MARK1: variants seen among roughly 807,000 people sequenced by gnomAD.
MARK1 encodes the protein microtubule affinity regulating kinase 1, also known as serine/threonine-protein kinase MARK1.
In MARK1, 40 loss-of-function variants were observed where a neutral mutation model predicts 96.3. That is an observed-to-expected ratio of 0.42 (90% CI 0.32 to 0.54). The LOEUF (loss-of-function observed/expected upper bound fraction) is 0.54, where lower values mean the gene tolerates loss of function less well. MARK1 is among the 20% of genes least tolerant of loss of function. The pLI is 0.16. For synonymous variants in MARK1, 317 were observed against 341.2 expected (o/e 0.93, Z 0.78); for missense variants, 719 against 984.6 (o/e 0.73, Z 3.61).
intron 1 of MARK1, among the ~76,000 whole-genome samples, chr1:220,539,107 T>C (rs1660941380): frequency 6.6e-6 from 1 of 151,900 alleles, no homozygotes; most frequent in Non-Finnish European, 1.5e-5. Flanking sequence ...AACACTATGT[T>C]GAATAGGAGT....
intron 1 of MARK1, among the ~76,000 whole-genome samples, chr1:220,564,159 G>A (rs189973282): frequency 1.3e-5 from 2 of 152,258 alleles, no homozygotes; most frequent in East Asian, 3.9e-4. Flanking sequence ...AGTTCTCTGT[G>A]ATCTTAATTT....
At position 220,528,166 on chromosome 1, in the gene MARK1, C is replaced by A. The variant is rs1434836451; in HGVS notation, c.-657C>A. 1.3e-5 allele frequency: 2 copies of A among 150,544 alleles called. No homozygotes were observed. The highest frequency in any genetic ancestry group is 2.4e-5 in the African/African-American group (1 of 41,244). 9.3% of individuals were successfully genotyped at this position (150,544 alleles called of 1,614,324 possible). Reference sequence around the variant, plus strand: ...GCGGCGGCCGCCAAGTGCCTCTGGGCGCTGCGTGCCGCGCCCGCTGCTCCG... The same window carrying A: ...GCGGCGGCCGCCAAGTGCCTCTGGGAGCTGCGTGCCGCGCCCGCTGCTCCG... On this transcript the variant is annotated 5_prime_UTR_variant, in exon 1 of 18. Coordinates refer to ENST00000366917, the MANE Select transcript of MARK1 (RefSeq NM_018650.5).
intron 1 of MARK1, among the ~76,000 whole-genome samples, chr1:220,536,953 T>C (rs1379680117): frequency 1.3e-5 from 2 of 152,098 alleles, no homozygotes; most frequent in African/African-American, 4.8e-5. Flanking sequence ...AGTATCTCCA[T>C]AGATAAGTCT....
Position 220,618,694 on chromosome 1 carries a change from A to T in MARK1, c.848A>T (p.Asp283Val). 2 of 1,612,788 alleles carry T rather than the reference A, an allele frequency of 1.2e-6. No individual in the cohort carries two copies. The highest frequency in any genetic ancestry group is 1.7e-5 in the Admixed American group (1 of 59,882). ...CGTATTCCCTTCTATATGTCCACAGACTGTGAAAATCTTCTGAAGAAATTA... is the reference window on the plus strand; with the variant it reads ...CGTATTCCCTTCTATATGTCCACAGTCTGTGAAAATCTTCTGAAGAAATTA... The part of the protein sequence containing the change: ...KYRIPFYMST[D>V]CENLLKKLLV... Residue 283 changes from aspartate to valine, a missense_variant, in exon 9 of 18, where the codon GAC (aspartate) becomes GTC (valine). Physicochemically the swap from Asp to Val is radical, Grantham distance 152. Transcript: ENST00000366917. The surrounding 1 kb of genome is among the most constrained non-coding windows in gnomAD (Gnocchi z 4.6).
chr1:220,560,515 G>A (rs1365816113), intron 1 of MARK1, among the ~76,000 whole-genome samples: 1 of 152,150 alleles, frequency 6.6e-6, no homozygotes, highest in African/African-American at 2.4e-5. Flanking sequence ...CACTGCCCTT[G>A]CACTTGGACC....
At chr1:220,634,442 A>AT (rs1393709914) in intron 11 of MARK1, among the ~76,000 whole-genome samples, 1 of 152,126 alleles carries the variant, frequency 6.6e-6, no homozygotes, top group African/African-American at 2.4e-5. Context: ...AAGGCAATTA[A>AT]TTTTCTGTGC....
intron 3 of MARK1, among the ~76,000 whole-genome samples, chr1:220,582,777 TTC>T (rs1425182190): frequency 2.6e-5 from 4 of 152,366 alleles, no homozygotes; most frequent in African/African-American, 9.6e-5. Flanking sequence ...GATAAGTAAT[TTC>T]TGTCATAAAA....
chr1:220,528,282 G>A lies in MARK1; in HGVS notation c.-541G>A, dbSNP rs1036046735. ...GGACCGAGCCGAGACATTCGCGCCGGGGGATCGGGCGCCGCCGCCGCTGGG... is the reference window on the plus strand; with the variant it reads ...GGACCGAGCCGAGACATTCGCGCCGAGGGATCGGGCGCCGCCGCCGCTGGG... On this transcript the variant is annotated 5_prime_UTR_variant, in exon 1 of 18. Coordinates refer to ENST00000366917, the MANE Select transcript of MARK1 (RefSeq NM_018650.5). 6.6e-6 allele frequency: 1 copy of A among 151,288 alleles called. No individual in the cohort carries two copies. The highest frequency in any genetic ancestry group is 2.4e-5 in the African/African-American group (1 of 41,346). The allele number at this position is 151,288 out of a possible 1,614,324, so 9.4% of individuals were successfully genotyped here. A position where few individuals can be genotyped will look rare whatever the true frequency, so the allele number is the denominator to read the frequency against.
chr1:220,594,146 G>A (rs1665170906), intron 3 of MARK1, among the ~76,000 whole-genome samples: 1 of 152,186 alleles, frequency 6.6e-6, no homozygotes, highest in African/African-American at 2.4e-5. Flanking sequence ...TTGAGGATTG[G>A]AGCAGGCTTC....
chr1:220,653,475 C>T lies in MARK1; in HGVS notation c.1988+123C>T, dbSNP rs1669000988. 7.7e-6 allele frequency: 8 copies of T among 1,041,610 alleles called. No homozygotes were observed. In the South Asian group the frequency reaches 1.7e-4, roughly 22 times the overall value. The allele number at this position is 1,041,610 out of a possible 1,614,324, so 64.5% of individuals were successfully genotyped here. On this transcript the variant is annotated intron_variant, in intron 16 of 17. Coordinates refer to ENST00000366917, the MANE Select transcript of MARK1 (RefSeq NM_018650.5). ...TTCATAACATTTCATTAGAGCTGCTCTTTTACAGAGTTGGAAGAAAAAAAT... is the reference window on the plus strand; with the variant it reads ...TTCATAACATTTCATTAGAGCTGCTTTTTTACAGAGTTGGAAGAAAAAAAT...
intron 3 of MARK1, among the ~76,000 whole-genome samples, chr1:220,585,487 C>A (rs1192685246): frequency 2.0e-5 from 3 of 152,160 alleles, no homozygotes; most frequent in Admixed American, 6.5e-5. Flanking sequence ...GACCAAAAAT[C>A]TGACTTTTCT....
At chr1:220,545,439 GTT>G (rs35422682) in intron 1 of MARK1, among the ~76,000 whole-genome samples, 1 of 87,258 alleles carries the variant, frequency 1.1e-5, no homozygotes, top group African/African-American at 4.5e-5. Context: ...CTTTCTCATG[GTT>G]TTTTTTTTTT....
At chr1:220,530,198 A>AAT (rs1419135476) in intron 1 of MARK1, among the ~76,000 whole-genome samples, 1 of 137,050 alleles carries the variant, frequency 7.3e-6, no homozygotes, top group Non-Finnish European at 1.6e-5. Flanking sequence ...GTTTCAGAGT[A>AAT]TGCTTTTGTC....
At chr1:220,532,813 A>T (rs892772127) in intron 1 of MARK1, among the ~76,000 whole-genome samples, 2 of 151,986 alleles carry the variant, frequency 1.3e-5, no homozygotes, top group African/African-American at 2.4e-5. Flanking sequence ...CGAGACCAGC[A>T]TGGGCAACAT....
intron 1 of MARK1, among the ~76,000 whole-genome samples, chr1:220,577,812 T>C (rs1663974390): frequency 1.3e-5 from 2 of 152,206 alleles, no homozygotes; most frequent in African/African-American, 4.8e-5. Flanking sequence ...TGTATAATGA[T>C]AGCACAATGG....
At chr1:220,581,843 G>A (rs1471414735) in intron 3 of MARK1, among the ~76,000 whole-genome samples, 1 of 152,104 alleles carries the variant, frequency 6.6e-6, no homozygotes, top group South Asian at 2.1e-4. Context: ...ACTTAAATGG[G>A]AAAATTTTCT....
intron 13 of MARK1, among the ~76,000 whole-genome samples, chr1:220,636,445 T>C (rs1667970381): frequency 2.0e-5 from 3 of 151,784 alleles, no homozygotes; most frequent in Non-Finnish European, 1.5e-5. Context: ...AAGAAGATGC[T>C]CTCCCATAAG....
At position 220,599,862 on chromosome 1, in the gene MARK1, G is replaced by T; in HGVS notation, c.423G>T (p.Gly141=). The T allele has an allele frequency of 6.2e-7, 1 of 1,603,148 alleles. No homozygotes were observed. The highest frequency in any genetic ancestry group is 1.7e-5 in the Admixed American group (1 of 58,914). The change falls in exon 5 of 18, where the codon GGG becomes GGT. Residue 141 remains glycine, a splice_region_variant and synonymous_variant. Coordinates refer to ENST00000366917, the MANE Select transcript of MARK1 (RefSeq NM_018650.5). ...TLYLVMEYAS[G]GEVFDYLVAH... Reference sequence around the variant, plus strand: ...ATTTAGTCATGGAATACGCGAGTGGGGGTAAGAATGAGGGTGATTGAAAAG... The same window carrying T: ...ATTTAGTCATGGAATACGCGAGTGGTGGTAAGAATGAGGGTGATTGAAAAG...
At chr1:220,622,401 T>G (rs1667093790) in intron 9 of MARK1, among the ~76,000 whole-genome samples, 1 of 152,234 alleles carries the variant, frequency 6.6e-6, no homozygotes, top group Admixed American at 6.5e-5. Context: ...TGATACTTAA[T>G]TTTTCAGGTG....
Sources: gnomAD v4.1 joint callset for allele counts (sites outside exome capture counted in the v4.1 genomes callset) on GRCh38, gnomAD v4.1.1 for gene constraint, Gnocchi (gnomAD v3.1) non-coding constraint, MANE v1.5 for transcripts, NCBI Gene and HGNC (gene_info 2026-07-23, HGNC 2026-07-21) for gene names.